The following RFTN1 variants were observed in gnomAD, a reference collection of about 807,000 sequenced individuals.
The protein encoded by RFTN1 is raftlin.
RFTN1 carries 26 observed loss-of-function variants against 46.5 expected under a neutral mutation model. The ratio of observed to expected loss-of-function variants is 0.56; its 90% CI spans 0.41 to 0.78. RFTN1 has a LOEUF of 0.78. RFTN1 is among the 30% of genes least tolerant of loss of function. The pLI is 0.00. For synonymous variants in RFTN1, 261 were observed against 284.2 expected (o/e 0.92, Z 0.82); for missense variants, 693 against 718.7 (o/e 0.96, Z 0.41).
At chr3:16,339,366 G>GC (rs1438012825) in intron 7 of RFTN1, 1 of 152,230 alleles carries the variant, frequency 6.6e-6, no homozygotes, top group African/African-American at 2.4e-5. Context: ...TGAGGACCCA[G>GC]CTCTGATAGG....
At position 16,452,315 on chromosome 3, in the gene RFTN1, T is replaced by TA. The variant is rs138022194; in HGVS notation, c.146-18279dup. On this transcript the variant is annotated intron_variant, in intron 2 of 9. Coordinates refer to ENST00000334133, the MANE Select transcript of RFTN1 (RefSeq NM_015150.2). The surrounding 1 kb of genome is among the most constrained non-coding windows in gnomAD (Gnocchi z 6.3). Reference sequence around the variant, plus strand: ...GTCAAGGTAGATGAAGGTAAGGATATAATAGAAGGCGAAGGGAAAAGTAAT... The same window carrying TA: ...GTCAAGGTAGATGAAGGTAAGGATATAAATAGAAGGCGAAGGGAAAAGTAAT... 0.022 allele frequency among the ~76,000 whole-genome samples: 3,401 copies of TA among 152,232 alleles called. 135 individuals are homozygous for TA. The highest frequency in any genetic ancestry group is 0.078 in the African/African-American group (3,231 of 41,534).
In RFTN1 at chr3:16,381,480, T is replaced by TA. The variant is rs1202464992; in HGVS notation, c.442-3379dup. Among the ~76,000 whole-genome samples the TA allele has an allele frequency of 6.6e-6, 1 of 152,130 alleles. No individual in the cohort carries two copies. The highest frequency in any genetic ancestry group is 2.4e-5 in the African/African-American group (1 of 41,432). ...CAGGGATGTAACAAATGACGTGGTG[T>TA]AACACAAAAGGAAGAATAAGAAATG... On this transcript the variant is annotated intron_variant, in intron 4 of 9. Coordinates refer to ENST00000334133, the MANE Select transcript of RFTN1 (RefSeq NM_015150.2). The surrounding 1 kb of genome is among the most constrained non-coding windows in gnomAD (Gnocchi z 4.2).
At chr3:16,394,746 T>A (rs201690226) in intron 4 of RFTN1, among the ~76,000 whole-genome samples, 6 of 149,168 alleles carry the variant, frequency 4.0e-5, no homozygotes, top group Non-Finnish European at 3.0e-5. Flanking sequence ...TATTTTTTTT[T>A]AAGAGCAATG....
chr3:16,339,966 C>A (rs1203623782), intron 7 of RFTN1: 5 of 152,140 alleles, frequency 3.3e-5, no homozygotes, highest in Non-Finnish European at 1.5e-5. Flanking sequence ...GAGTTTGCCA[C>A]CAAAAATGTG....
rs1453645977 is a variant in RFTN1 at position 16,317,874 on chromosome 3, C to T, written c.1333-642G>A. 1.3e-5 allele frequency among the ~76,000 whole-genome samples: 2 copies of T among 152,196 alleles called. No homozygotes were observed. Among genetic ancestry groups the T allele is most frequent in the Admixed American group, 6.5e-5 (1 of 15,278 alleles). ...GATACAACAACCCATTTCCTGATCC[C>T]AATTTGGGATAACGCAAATGCCATC... is the stretch of plus-strand genomic sequence containing the variant. On this transcript the variant is annotated intron_variant, in intron 9 of 9. Coordinates refer to ENST00000334133, the MANE Select transcript of RFTN1 (RefSeq NM_015150.2). The surrounding 1 kb of genome is among the most constrained non-coding windows in gnomAD (Gnocchi z 4.3).
chr3:16,406,141 G>A (rs2074850717), intron 4 of RFTN1, among the ~76,000 whole-genome samples: 1 of 152,172 alleles, frequency 6.6e-6, no homozygotes, highest in Admixed American at 6.5e-5. Flanking sequence ...GCCATCAGTT[G>A]GAATAGCCAC....
chr3:16,419,208 G>T (rs1421805774), intron 3 of RFTN1, among the ~76,000 whole-genome samples: 1 of 152,196 alleles, frequency 6.6e-6, no homozygotes, highest in Admixed American at 6.6e-5. Context: ...CCTAGGGAAC[G>T]TGTGGGTGAA....
At chr3:16,455,252 G>A (rs139014643) in intron 2 of RFTN1, among the ~76,000 whole-genome samples, 24 of 152,294 alleles carry the variant, frequency 1.6e-4, no homozygotes, top group African/African-American at 5.5e-4. Flanking sequence ...TTTCTATAAC[G>A]ATTACGTGGA....
rs1428404277 is a variant in RFTN1 at position 16,326,871 on chromosome 3, G to A, written c.1152C>T (p.Val384=). 3.7e-6 allele frequency: 6 copies of A among 1,613,100 alleles called. No individual in the cohort carries two copies. Among genetic ancestry groups the A allele is most frequent in the South Asian group, 3.3e-5 (3 of 90,932 alleles). The change falls in exon 8 of 10, where the codon GTC becomes GTT. Residue 384 remains valine (V), a synonymous_variant. Transcript: ENST00000334133. ...VVEQWTVLEG[V]EVQTDYVPLL... ...GGGGCACGTAGTCTGTCTGCACTTC[G>A]ACACCCTGGGGGAACAAGGCCAGCA...
In RFTN1 at chr3:16,460,238, T is replaced by G. The variant is rs1210559101; in HGVS notation, c.146-26201A>C. On this transcript the variant is annotated intron_variant, in intron 2 of 9. Transcript: ENST00000334133. The surrounding 1 kb of genome is among the most constrained non-coding windows in gnomAD (Gnocchi z 4.8). ...TTTTATCTATTGTGTTATTTTGATA[T>G]TTGTACATTTACTGGGATCTGGCAG... Among the ~76,000 whole-genome samples, 1 of 152,214 alleles carries G rather than the reference T, an allele frequency of 6.6e-6. No homozygotes were observed. Among genetic ancestry groups the G allele is most frequent in the Non-Finnish European group, 1.5e-5 (1 of 68,030 alleles).
chr3:16,416,077 C>A, intron 3 of RFTN1: 1 of 282,960 alleles, frequency 3.5e-6, no homozygotes, highest in Non-Finnish European at 7.2e-6. Flanking sequence ...AAAAAGAGCT[C>A]TGACCCATCT....
intron 3 of RFTN1, among the ~76,000 whole-genome samples, chr3:16,419,575 A>T (rs1347225006): frequency 3.9e-5 from 6 of 152,196 alleles, no homozygotes; most frequent in Non-Finnish European, 7.3e-5. Context: ...CCAGTACAAT[A>T]GGGAAAAGGT....
At position 16,345,786 on chromosome 3, in the gene RFTN1, C is replaced by CTGTG. The variant is rs1553726059; in HGVS notation, c.1146+12145_1146+12146insCACA. Among the ~76,000 whole-genome samples the CTGTG allele has an allele frequency of 2.9e-4, 24 of 81,626 alleles. No homozygotes were observed. Among genetic ancestry groups the CTGTG allele is most frequent in the African/African-American group, 1.2e-3 (22 of 18,562 alleles). The allele number at this position is 81,626 out of a possible 152,430, so 53.5% of individuals were successfully genotyped here. ...CATGAGCCAAAACCTTATAATAAAT[C>CTGTG]TCTGTGTGTGTGTGTGTGTGTGTGT... On this transcript the variant is annotated intron_variant, in intron 7 of 9. Coordinates refer to ENST00000334133, the MANE Select transcript of RFTN1 (RefSeq NM_015150.2). This position sits in a 1 kb window ranked among gnomAD's most constrained non-coding sequence, Gnocchi z 5.2.
In RFTN1 at chr3:16,370,295, A is replaced by T; in HGVS notation, c.827-16T>A. The T allele has an allele frequency of 2.5e-6, 4 of 1,613,526 alleles. No individual in the cohort carries two copies. The highest frequency in any genetic ancestry group is 3.4e-6 in the Non-Finnish European group (4 of 1,179,426). ...ATCTCCATTTCTGTTGGGATTTGTAAAGGGAGTGGAGAGAGAAGAGGTCAA... is the reference window on the plus strand; with the variant it reads ...ATCTCCATTTCTGTTGGGATTTGTATAGGGAGTGGAGAGAGAAGAGGTCAA... On this transcript the variant is annotated splice_polypyrimidine_tract_variant and intron_variant, in intron 5 of 9. Coordinates refer to ENST00000334133, the MANE Select transcript of RFTN1 (RefSeq NM_015150.2). The surrounding 1 kb of genome is among the most constrained non-coding windows in gnomAD (Gnocchi z 5.5).
At position 16,481,844 on chromosome 3, in the gene RFTN1, T is replaced by C. The variant is rs533848799; in HGVS notation, c.145+11881A>G. Among the ~76,000 whole-genome samples, 15 of 152,290 alleles carry C rather than the reference T, an allele frequency of 9.8e-5. No individual in the cohort carries two copies. The highest frequency in any genetic ancestry group is 2.1e-4 in the Non-Finnish European group (14 of 68,030). Reference sequence around the variant, plus strand: ...AAATGTTTCCCTACCCTACCGCATATACTATTTTCAGCAAAGGAGGAGTCT... The same window carrying C: ...AAATGTTTCCCTACCCTACCGCATACACTATTTTCAGCAAAGGAGGAGTCT... On this transcript the variant is annotated intron_variant, in intron 2 of 9. Transcript: ENST00000334133. The surrounding 1 kb of genome is among the most constrained non-coding windows in gnomAD (Gnocchi z 5.1).
In RFTN1 at chr3:16,504,184, A is replaced by G. The variant is rs1367423799; in HGVS notation, c.-9+9258T>C. Among the ~76,000 whole-genome samples, 1 of 152,246 alleles carries G rather than the reference A, an allele frequency of 6.6e-6. No homozygotes were observed. The highest frequency in any genetic ancestry group is 6.5e-5 in the Admixed American group (1 of 15,286). ...TAAGTAGTTAGGTCCAAACAACTTA[A>G]TACTTATTCACAGCCTAACAACAGC... On this transcript the variant is annotated intron_variant, in intron 1 of 9. Coordinates refer to ENST00000334133, the MANE Select transcript of RFTN1 (RefSeq NM_015150.2). The surrounding 1 kb of genome is among the most constrained non-coding windows in gnomAD (Gnocchi z 4.4).
chr3:16,379,880 G>A (rs567864010), intron 4 of RFTN1, among the ~76,000 whole-genome samples: 1 of 152,216 alleles, frequency 6.6e-6, no homozygotes, highest in Non-Finnish European at 1.5e-5. Flanking sequence ...AAAGAACTTT[G>A]GAGGCTGAGG....
At chr3:16,495,572 T>C (rs1267750710) in intron 1 of RFTN1, among the ~76,000 whole-genome samples, 1 of 132,814 alleles carries the variant, frequency 7.5e-6, no homozygotes, top group Non-Finnish European at 1.7e-5. Context: ...GTATTTGAGA[T>C]GGGCTTTGCT....
chr3:16,403,673 A>T (rs866467240), intron 4 of RFTN1, among the ~76,000 whole-genome samples: 4 of 24,268 alleles, frequency 1.6e-4, no homozygotes, highest in Non-Finnish European at 2.9e-4. Context: ...TATGTATATA[A>T]TATATAATAT....
Sources: allele counts gnomAD v4.1 joint callset (sites outside exome capture counted in the v4.1 genomes callset), GRCh38; gene constraint gnomAD v4.1.1; non-coding constraint Gnocchi (gnomAD v3.1); transcripts MANE v1.5; gene names NCBI Gene and HGNC (gene_info 2026-07-23, HGNC 2026-07-21).